Variants in AMMECR1 observed in about 807,000 individuals in gnomAD.
AMMECR1 encodes AMMECR nuclear protein 1, also known as nuclear protein AMMECR1.
In AMMECR1, 3 loss-of-function variants were observed where a neutral mutation model predicts 22.5. The ratio of observed to expected loss-of-function variants is 0.13; its 90% confidence interval spans 0.06 to 0.35. The LOEUF (loss-of-function observed/expected upper bound fraction) is 0.35, where lower values mean the gene tolerates loss of function less well. Ranked by LOEUF, AMMECR1 falls within the 10% of genes least tolerant of loss-of-function variation. AMMECR1 has a pLI of 1.00. For synonymous variants in AMMECR1, 130 were observed against 116.7 expected (o/e 1.11, Z -0.74); for missense variants, 235 against 278.7 (o/e 0.84, Z 1.12).
chrX:110,327,450 A>C (rs2068102105), intron 2 of AMMECR1, among the ~76,000 whole-genome samples: 1 of 112,102 alleles, frequency 8.9e-6, no homozygotes, highest in African/African-American at 3.2e-5. Flanking sequence ...ACTTCAAATA[A>C]AATGAGAATA....
intron 4 of AMMECR1, 25 bp downstream of exon 4, chrX:110,202,421 A>G (rs748689723): frequency 1.8e-6 from 2 of 1,128,488 alleles, no homozygotes; most frequent in Non-Finnish European, 2.4e-6. Context: ...TCACCAGATC[A>G]TATGAAATAA....
At chrX:110,320,277 GTGTTT>G (rs1179521587), upstream of AMMECR1, among the ~76,000 whole-genome samples, 1 of 111,773 alleles carries the variant, frequency 8.9e-6, no homozygotes, top group South Asian at 3.8e-4. Flanking sequence ...GTACGTTAGG[GTGTTT>G]TGTTTTGTAC....
In AMMECR1 at chrX:110,434,164, A is replaced by G. The variant is rs143326309; in HGVS notation, c.-294+5726T>C. Among the ~76,000 whole-genome samples the G allele has an allele frequency of 8.0e-5, 9 of 111,893 alleles. No homozygotes were observed. In the East Asian group the frequency reaches 2.0e-3, roughly 24 times the overall value. ...GTATTTGTGTGACAGGGCCTAGTGC[A>G]TGTTTCAAAGGGCAGGACAATTGTA... is the stretch of plus-strand genomic sequence containing the variant. On this transcript the variant is annotated intron_variant, in intron 1 of 7. Coordinates refer to the AMMECR1 transcript ENST00000372057.
intron 2 of AMMECR1, among the ~76,000 whole-genome samples, chrX:110,343,308 A>G (rs1287459569): frequency 9.0e-6 from 1 of 111,449 alleles, no homozygotes; most frequent in Non-Finnish European, 1.9e-5. Flanking sequence ...CATGCTAAAA[A>G]CTCTCAATAA....
chrX:110,351,981 T>G (rs2068212934), intron 2 of AMMECR1, among the ~76,000 whole-genome samples: 1 of 112,243 alleles, frequency 8.9e-6, no homozygotes, highest in Non-Finnish European at 1.9e-5. Flanking sequence ...GAAAAAGATG[T>G]TCAGCATAAT....
Position 110,209,326 on chromosome X carries a change from C to T in AMMECR1, c.700-6790G>A, listed in dbSNP as rs754114882. Among the ~76,000 whole-genome samples the T allele has an allele frequency of 1.2e-3, 135 of 112,147 alleles. 1 individual carries two copies. Among genetic ancestry groups the T allele is most frequent in the African/African-American group, 4.3e-3 (132 of 30,911 alleles). ...ATTAATCTTAAAGTCAAGAGGAAAACAATAACATTCTATAGTGAGTTCTTC... is the reference window on the plus strand; with the variant it reads ...ATTAATCTTAAAGTCAAGAGGAAAATAATAACATTCTATAGTGAGTTCTTC... On this transcript the variant is annotated intron_variant, in intron 3 of 5. Transcript: ENST00000262844.
At chrX:110,437,210 C>T (rs1279735403) in intron 1 of AMMECR1, among the ~76,000 whole-genome samples, 1 of 111,578 alleles carries the variant, frequency 9.0e-6, no homozygotes, top group African/African-American at 3.3e-5. Flanking sequence ...GATGGTGAGC[C>T]CCTGACCCCT....
intron 2 of AMMECR1, among the ~76,000 whole-genome samples, chrX:110,411,599 T>C: frequency 8.9e-6 from 1 of 111,886 alleles, no homozygotes; most frequent in South Asian, 3.8e-4. Context: ...GAATGATAGA[T>C]TTGACTATGC....
chrX:110,249,743 T>C (rs755079822), intron 2 of AMMECR1, among the ~76,000 whole-genome samples: 1 of 111,452 alleles, frequency 9.0e-6, no homozygotes, highest in Admixed American at 9.5e-5. Flanking sequence ...CCACTGAAAA[T>C]ACAAAAATTA....
At chrX:110,213,774 A>G (rs919279953) in intron 3 of AMMECR1, among the ~76,000 whole-genome samples, 3 of 111,618 alleles carry the variant, frequency 2.7e-5, no homozygotes, top group African/African-American at 9.8e-5. Flanking sequence ...AGTAAGGTAC[A>G]TATTTTTTTA....
chrX:110,204,932 T>A (rs2067414919), intron 3 of AMMECR1, among the ~76,000 whole-genome samples: 1 of 112,027 alleles, frequency 8.9e-6, no homozygotes, highest in African/African-American at 3.2e-5. Flanking sequence ...CAACTTTTAA[T>A]TCTTTTCTGG....
At chrX:110,429,674 G>A (rs977053897) in intron 1 of AMMECR1, among the ~76,000 whole-genome samples, 3 of 109,770 alleles carry the variant, frequency 2.7e-5, no homozygotes, top group African/African-American at 1.0e-4. Context: ...TAGAGATGGG[G>A]TTTCACCATG....
intron 2 of AMMECR1, among the ~76,000 whole-genome samples, chrX:110,236,352 A>AG (rs2067601102): frequency 9.0e-6 from 1 of 111,405 alleles, no homozygotes; most frequent in Admixed American, 9.5e-5. Flanking sequence ...TGCAAGTCTT[A>AG]TAAACTAAGT....
At chrX:110,345,045 T>G (rs1270381639) in intron 2 of AMMECR1, among the ~76,000 whole-genome samples, 1 of 112,048 alleles carries the variant, frequency 8.9e-6, no homozygotes, top group Non-Finnish European at 1.9e-5. Flanking sequence ...CACATGCACA[T>G]GTATGTTTAT....
intron 1 of AMMECR1, among the ~76,000 whole-genome samples, chrX:110,269,470 A>T (rs1408978882): frequency 9.3e-6 from 1 of 107,474 alleles, no homozygotes; most frequent in Non-Finnish European, 1.9e-5. Context: ...ATCTCTACCA[A>T]TGCAATAATA....
chrX:110,215,436 G>A (rs2067468830), intron 3 of AMMECR1, among the ~76,000 whole-genome samples: 1 of 111,784 alleles, frequency 8.9e-6, no homozygotes, highest in African/African-American at 3.3e-5. Flanking sequence ...GTCTCACAAG[G>A]AATCAGGGCA....
intron 2 of AMMECR1, among the ~76,000 whole-genome samples, chrX:110,224,704 G>A (rs1233892045): frequency 9.0e-6 from 1 of 111,197 alleles, no homozygotes; most frequent in Admixed American, 9.6e-5. Flanking sequence ...TTTTACTTCT[G>A]TAGAAGAAAT....
intron 2 of AMMECR1, among the ~76,000 whole-genome samples, chrX:110,404,965 C>T (rs1602974383): frequency 9.0e-6 from 1 of 111,195 alleles, no homozygotes; most frequent in Admixed American, 9.6e-5. Context: ...CGGCCATTGT[C>T]ATTTCTCCTA....
In AMMECR1 at chrX:110,228,697, G is replaced by A. The variant is rs775434933; in HGVS notation, c.585-12065C>T. Among the ~76,000 whole-genome samples the A allele has an allele frequency of 3.6e-5, 4 of 110,671 alleles. No individual in the cohort carries two copies. In the East Asian group the frequency reaches 8.6e-4, roughly 24 times the overall value. Reference sequence around the variant, plus strand: ...ATAAATTAAGCAGATAAGGGTGGGGGAGCAGCGGAGCACCAACACTATGTG... The same window carrying A: ...ATAAATTAAGCAGATAAGGGTGGGGAAGCAGCGGAGCACCAACACTATGTG... On this transcript the variant is annotated intron_variant, in intron 2 of 5. Transcript: ENST00000262844.
Sources: gnomAD v4.1 joint callset for allele counts (sites outside exome capture counted in the v4.1 genomes callset) on GRCh38, gnomAD v4.1.1 for gene constraint, MANE v1.5 for transcripts, NCBI Gene and HGNC (gene_info 2026-07-23, HGNC 2026-07-21) for gene names.